Variants in ABCB1 observed in about 807,000 individuals in gnomAD.
ABCB1 encodes ATP-dependent translocase ABCB1.
Under a neutral mutation model 142.0 loss-of-function variants are expected in ABCB1, and 69 were observed. The observed-to-expected ratio is 0.49, with a 90% CI of 0.40 to 0.59. The LOEUF (loss-of-function observed/expected upper bound fraction) is 0.59. Among genes scored for constraint, ABCB1 ranks in the 20% least tolerant of loss-of-function variants. The pLI is 0.00. For missense variants in ABCB1, 1,326 were observed against 1,554.7 expected (o/e 0.85, Z 2.47); for synonymous variants, 532 against 539.2 (o/e 0.99, Z 0.18).
At chr7:87,558,832 A>T (rs1353669651) in intron 8 of ABCB1, among the ~76,000 whole-genome samples, 3 of 151,740 alleles carry the variant, frequency 2.0e-5, no homozygotes, top group Non-Finnish European at 4.4e-5. Context: ...ATCACAACAA[A>T]TTTTTTCTTT....
chr7:87,529,435 C>A (rs1221744514), intron 21 of ABCB1, among the ~76,000 whole-genome samples: 1 of 152,108 alleles, frequency 6.6e-6, no homozygotes, highest in Non-Finnish European at 1.5e-5. Flanking sequence ...TACTTCTGTC[C>A]CTCTCATGAG....
At chr7:87,651,167 A>G (rs1249527176) in intron 1 of ABCB1, among the ~76,000 whole-genome samples, 1 of 152,196 alleles carries the variant, frequency 6.6e-6, no homozygotes, top group Non-Finnish European at 1.5e-5. Context: ...GAGAAAAGTG[A>G]CTTTCCATAA....
intron 1 of ABCB1, among the ~76,000 whole-genome samples, chr7:87,668,418 T>G (rs376851819): frequency 6.6e-6 from 1 of 152,042 alleles, no homozygotes; most frequent in East Asian, 1.9e-4. Flanking sequence ...TTTTATTAGT[T>G]TTTTCAAAAC....
chr7:87,549,523 C>T lies in ABCB1; in HGVS notation c.1555-5G>A. The T allele has an allele frequency of 6.2e-7, 1 of 1,614,176 alleles. No homozygotes were observed. Among genetic ancestry groups the T allele is most frequent in the Non-Finnish European group, 8.5e-7 (1 of 1,180,032 alleles). On this transcript the variant is annotated splice_polypyrimidine_tract_variant and splice_region_variant and intron_variant, in intron 13 of 27. Coordinates refer to ENST00000622132, the MANE Select transcript of ABCB1 (RefSeq NM_001348946.2). ...TCCAACCAGGGTGTCAAATTTCTACCACAGAAAACCCAGAATGATTTAGCA... is the reference window on the plus strand; with the variant it reads ...TCCAACCAGGGTGTCAAATTTCTACTACAGAAAACCCAGAATGATTTAGCA...
At chr7:87,529,938 G>A (rs557758735) in intron 21 of ABCB1, among the ~76,000 whole-genome samples, 18 of 152,350 alleles carry the variant, frequency 1.2e-4, no homozygotes, top group African/African-American at 4.3e-4. Flanking sequence ...GCCTCCGGGA[G>A]CCTGATAGGA....
chr7:87,588,156 G>GTT lies in ABCB1; in HGVS notation c.118-2478_118-2477dup, dbSNP rs34445246. ...AGTTCAGAACCTCATATTTCCTTTTGTTTTTTTTTTTATTATTTTTTATTT... is the reference window on the plus strand; with the variant it reads ...AGTTCAGAACCTCATATTTCCTTTTGTTTTTTTTTTTTTATTATTTTTTATTT... On this transcript the variant is annotated intron_variant, in intron 3 of 27. Coordinates refer to ENST00000622132, the MANE Select transcript of ABCB1 (RefSeq NM_001348946.2). 2.0e-4 allele frequency among the ~76,000 whole-genome samples: 29 copies of GTT among 148,030 alleles called. No homozygotes were observed. In the East Asian group the frequency reaches 2.2e-3, roughly 11 times the overall value.
At chr7:87,545,603 A>G (rs532937357) in intron 15 of ABCB1, among the ~76,000 whole-genome samples, 54 of 152,314 alleles carry the variant, frequency 3.5e-4, no homozygotes, top group Non-Finnish European at 3.4e-4. Flanking sequence ...TAAATGCTGT[A>G]CAGACACATG....
At position 87,505,924 on chromosome 7, in the gene ABCB1, C is replaced by G. The variant is rs200294906; in HGVS notation, c.3609G>C (p.Thr1203=). 1 of 1,614,120 alleles carries G rather than the reference C, an allele frequency of 6.2e-7. No individual in the cohort carries two copies. The highest frequency in any genetic ancestry group is 8.5e-7 in the Non-Finnish European group (1 of 1,180,014). The change falls in exon 27 of 28, where the codon ACG becomes ACC. Residue 1203 remains threonine (T), a synonymous_variant. Coordinates refer to ENST00000622132, the MANE Select transcript of ABCB1 (RefSeq NM_001348946.2). ...QPHILLLDEA[T]SALDTESEKV... ...TTTCACTTTCTGTATCCAGAGCTGA[C>G]GTGGCTTCATCCAAAAGCAAAATAT...
At chr7:87,546,438 AT>A (rs1329776371) in intron 14 of ABCB1, among the ~76,000 whole-genome samples, 1 of 151,978 alleles carries the variant, frequency 6.6e-6, no homozygotes, top group Non-Finnish European at 1.5e-5. Context: ...AATACAAAAA[AT>A]TAGCTGGGCA....
At chr7:87,627,588 G>GCTGGGACC (rs1446184476) in intron 1 of ABCB1, 1 of 152,288 alleles carries the variant, frequency 6.6e-6, no homozygotes, top group Non-Finnish European at 1.5e-5. Flanking sequence ...CCTGACCCAA[G>GCTGGGACC]CTGGGACCCT....
At chr7:87,546,635 T>C (rs935912359) in intron 14 of ABCB1, among the ~76,000 whole-genome samples, 1 of 152,120 alleles carries the variant, frequency 6.6e-6, no homozygotes, top group Non-Finnish European at 1.5e-5. Context: ...GACCAGGCGT[T>C]GGCCAATCAA....
intron 23 of ABCB1, chr7:87,518,890 C>T (rs901221785): frequency 3.0e-5 from 5 of 166,202 alleles, no homozygotes; most frequent in Non-Finnish European, 3.9e-5. Context: ...CCTTCCAATT[C>T]CTCTCTTATC....
At position 87,708,503 on chromosome 7, in the gene ABCB1, A is replaced by T. The variant is rs538290873; in HGVS notation, c.-331+4658T>A. On this transcript the variant is annotated intron_variant, in intron 1 of 28. Coordinates refer to the ABCB1 transcript ENST00000265724. ...TGCTAAAGAAATGTAATCTATAGTT[A>T]AAAATCATCCCATTGCAAGCCCATT... 2.6e-4 allele frequency among the ~76,000 whole-genome samples: 39 copies of T among 152,300 alleles called. 1 individual carries two copies. The highest frequency in any genetic ancestry group is 3.4e-3 in the Middle Eastern group (1 of 294).
intron 1 of ABCB1, among the ~76,000 whole-genome samples, chr7:87,639,620 C>T (rs1340937150): frequency 7.9e-5 from 12 of 152,074 alleles, no homozygotes; most frequent in African/African-American, 2.4e-5. Context: ...TAGTTTGATT[C>T]ATTGTCATCA....
At chr7:87,636,615 A>G (rs921780192) in intron 1 of ABCB1, among the ~76,000 whole-genome samples, 3 of 152,180 alleles carry the variant, frequency 2.0e-5, no homozygotes, top group Non-Finnish European at 2.9e-5. Context: ...TAATGTCTTT[A>G]AGAAGCCAGC....
intron 14 of ABCB1, among the ~76,000 whole-genome samples, chr7:87,546,903 C>T (rs1237115456): frequency 6.6e-6 from 1 of 152,140 alleles, no homozygotes; most frequent in African/African-American, 2.4e-5. Context: ...ATAGTATTTA[C>T]TTCTTAGAGT....
At chr7:87,558,249 A>C (rs1189513572) in intron 8 of ABCB1, among the ~76,000 whole-genome samples, 2 of 152,230 alleles carry the variant, frequency 1.3e-5, no homozygotes, top group Non-Finnish European at 2.9e-5. Context: ...GATCCATAGC[A>C]AATTTAAGAT....
At chr7:87,536,382 TAAGGA>T in intron 20 of ABCB1, 71 bp downstream of exon 20, 1 of 1,318,594 alleles carries the variant, frequency 7.6e-7, no homozygotes, top group Non-Finnish European at 1.1e-6. Context: ...CTAACACCCG[TAAGGA>T]GAAAATTAGT....
chr7:87,637,080 C>G (rs1415753730), intron 1 of ABCB1, among the ~76,000 whole-genome samples: 1 of 152,182 alleles, frequency 6.6e-6, no homozygotes, highest in Non-Finnish European at 1.5e-5. Flanking sequence ...GGGAAAACAT[C>G]CCCATGATTC....
Sources: gnomAD v4.1 joint callset for allele counts (sites outside exome capture counted in the v4.1 genomes callset) on GRCh38, gnomAD v4.1.1 for gene constraint, MANE v1.5 for transcripts, NCBI Gene and HGNC (gene_info 2026-07-23, HGNC 2026-07-21) for gene names.